Variants in KDSR observed in about 807,000 individuals in gnomAD.
The protein encoded by KDSR is 3-ketodihydrosphingosine reductase.
In KDSR, 23 loss-of-function variants were observed where a neutral mutation model predicts 41.3. The ratio of observed to expected loss-of-function variants is 0.56; its 90% CI spans 0.40 to 0.79. KDSR has a LOEUF of 0.79. Ranked by LOEUF, KDSR falls within the 30% of genes least tolerant of loss-of-function variation. The pLI, the probability that KDSR is intolerant of heterozygous loss-of-function variation, is 0.00. For synonymous variants in KDSR, 138 were observed against 151.7 expected (o/e 0.91, Z 0.66); for missense variants, 351 against 416.8 (o/e 0.84, Z 1.37).
chr18:63,353,005 A>G (rs1047631105), intron 5 of KDSR, among the ~76,000 whole-genome samples: 2 of 76,760 alleles, frequency 2.6e-5, no homozygotes, highest in Non-Finnish European at 5.6e-5. Context: ...CGACTCTACT[A>G]AAAATACAAA....
Position 63,330,356 on chromosome 18 carries a change from G to C in KDSR, c.*1426C>G. Reference sequence around the variant, plus strand: ...GACAGGTTACAAGATCAAGGTGAAGGCAGCTCTCCTCAAGTCAGAGGAGTG... The same window carrying C: ...GACAGGTTACAAGATCAAGGTGAAGCCAGCTCTCCTCAAGTCAGAGGAGTG... On this transcript the variant is annotated 3_prime_UTR_variant, in exon 10 of 10. Coordinates refer to ENST00000645214, the MANE Select transcript of KDSR (RefSeq NM_002035.4). The C allele has an allele frequency of 4.4e-6, 1 of 226,286 alleles. No homozygotes were observed. 14.0% of individuals were successfully genotyped at this position (226,286 alleles called of 1,614,324 possible).
chr18:63,327,950 C>T lies in KDSR; in HGVS notation c.*3832G>A. On this transcript the variant is annotated 3_prime_UTR_variant, in exon 10 of 10. Coordinates refer to ENST00000645214, the MANE Select transcript of KDSR (RefSeq NM_002035.4). ...AGCTACTATCTCCCCTTCAAAATTGCAAATCCACAGTTACTGCACTGAAGT... is the reference window on the plus strand; with the variant it reads ...AGCTACTATCTCCCCTTCAAAATTGTAAATCCACAGTTACTGCACTGAAGT... The T allele has an allele frequency of 4.9e-6, 1 of 203,410 alleles. No homozygotes were observed. 12.6% of individuals were successfully genotyped at this position (203,410 alleles called of 1,614,324 possible).
intron 5 of KDSR, among the ~76,000 whole-genome samples, chr18:63,353,488 GTC>G (rs1439175793): frequency 6.6e-6 from 1 of 152,166 alleles, no homozygotes; most frequent in African/African-American, 2.4e-5. Context: ...AGCTGCAAGA[GTC>G]TCTGGGGTGG....
chr18:63,365,480 T>C (rs900059928), intron 1 of KDSR, among the ~76,000 whole-genome samples: 12 of 152,176 alleles, frequency 7.9e-5, no homozygotes, highest in African/African-American at 2.9e-4. Flanking sequence ...TCACATTACT[T>C]AGAGTGTGAA....
At chr18:63,359,178 C>CAAAAAAAAAAAAAAAAAAAAAAA (rs74169959) in intron 3 of KDSR, among the ~76,000 whole-genome samples, 1 of 37,106 alleles carries the variant, frequency 2.7e-5, no homozygotes, top group African/African-American at 1.0e-4. Flanking sequence ...GACACTGCCT[C>CAAAAAAAAAAAAAAAAAAAAAAA]AAAAAAAAAA....
intron 6 of KDSR, chr18:63,346,677 T>G (rs541446421): frequency 6.6e-6 from 1 of 152,292 alleles, no homozygotes; most frequent in African/African-American, 2.4e-5. Context: ...AGATTGGTAT[T>G]CTCGCTATGC....
At chr18:63,341,462 G>A (rs191286057) in intron 7 of KDSR, among the ~76,000 whole-genome samples, 3 of 150,556 alleles carry the variant, frequency 2.0e-5, no homozygotes, top group African/African-American at 7.3e-5. Context: ...AGAACAAAAG[G>A]CCCAAGAGAT....
chr18:63,352,935 G>C (rs1423340680), intron 5 of KDSR, among the ~76,000 whole-genome samples: 1 of 151,058 alleles, frequency 6.6e-6, no homozygotes, highest in African/African-American at 2.4e-5. Flanking sequence ...GGGAGGCCAA[G>C]GTAGGTGGAT....
At position 63,359,074 on chromosome 18, in the gene KDSR, G is replaced by C. The variant is rs146373670; in HGVS notation, c.255+662C>G. 6.0e-3 allele frequency among the ~76,000 whole-genome samples: 900 copies of C among 149,712 alleles called. 34 individuals are homozygous for C. Among genetic ancestry groups the C allele is most frequent in the Admixed American group, 0.054 (809 of 14,990 alleles). On this transcript the variant is annotated intron_variant, in intron 3 of 9. Transcript: ENST00000645214. ...CGTGTCTATAATCTCAGCTACTAGG[G>C]AGGCTGAGGTGGGAGGACTGCTTGA...
Position 63,333,324 on chromosome 18 carries a change from GAT to G in KDSR, c.880-1425_880-1424del, listed in dbSNP as rs113048259. ...TGATCTCAAACTCCTGAGCTCAAGCGATCCTCCTGACTTGGCCTCCCAAAGTG... is the reference window on the plus strand; with the variant it reads ...TGATCTCAAACTCCTGAGCTCAAGCGCCTCCTGACTTGGCCTCCCAAAGTG... On this transcript the variant is annotated intron_variant, in intron 9 of 9. Coordinates refer to ENST00000645214, the MANE Select transcript of KDSR (RefSeq NM_002035.4). 6.4e-4 allele frequency among the ~76,000 whole-genome samples: 97 copies of G among 152,282 alleles called. 1 individual carries two copies. The highest frequency in any genetic ancestry group is 2.2e-3 in the African/African-American group (91 of 41,552).
chr18:63,342,023 G>A (rs1914353294), intron 7 of KDSR, among the ~76,000 whole-genome samples: 1 of 151,844 alleles, frequency 6.6e-6, no homozygotes, highest in African/African-American at 2.4e-5. Context: ...CAAAAAATCA[G>A]CCGGGCTTGG....
chr18:63,354,518 A>T (rs1289937240), intron 5 of KDSR, among the ~76,000 whole-genome samples: 3 of 152,070 alleles, frequency 2.0e-5, no homozygotes, highest in Non-Finnish European at 4.4e-5. Flanking sequence ...AATAAAAAAA[A>T]TTAGCTGGGT....
Position 63,342,548 on chromosome 18 carries a change from T to C in KDSR, c.693+1862A>G, listed in dbSNP as rs533183756. On this transcript the variant is annotated intron_variant, in intron 7 of 9. Transcript: ENST00000645214. ...TTTGAATCTGGGACTGAATTAGTTA[T>C]AGATAATTACAAAGCTAAGCAAATG... 3.9e-5 allele frequency among the ~76,000 whole-genome samples: 6 copies of C among 152,296 alleles called. No homozygotes were observed. The East Asian group carries it at 7.7e-4, about 20-fold the overall frequency.
At chr18:63,343,335 C>T (rs1914399926) in intron 7 of KDSR, among the ~76,000 whole-genome samples, 2 of 151,782 alleles carry the variant, frequency 1.3e-5, no homozygotes, top group African/African-American at 2.4e-5. Context: ...ACTGGGATTA[C>T]AGGTGTGAGA....
chr18:63,351,882 C>G (rs1301472152), intron 5 of KDSR, among the ~76,000 whole-genome samples: 15 of 152,182 alleles, frequency 9.9e-5, no homozygotes, highest in Non-Finnish European at 1.8e-4. Context: ...CTCCTGGGCT[C>G]AAGCAATCCT....
intron 2 of KDSR, among the ~76,000 whole-genome samples, chr18:63,361,207 C>A (rs1300739381): frequency 1.8e-5 from 1 of 56,178 alleles, no homozygotes; most frequent in African/African-American, 8.8e-5. Flanking sequence ...AAAACTCCGT[C>A]TCAAAAAAAA....
chr18:63,356,030 T>A (rs536113118), intron 3 of KDSR, among the ~76,000 whole-genome samples: 101 of 152,104 alleles, frequency 6.6e-4, no homozygotes, highest in Admixed American at 1.4e-3. Context: ...TCTAGAGGGG[T>A]TGCCCTTGGT....
At chr18:63,366,137 C>G (rs8098725) in intron 1 of KDSR, 2 of 152,182 alleles carry the variant, frequency 1.3e-5, no homozygotes, top group African/African-American at 4.8e-5. Flanking sequence ...CCACTGCAAA[C>G]GGGAAAGTGC....
chr18:63,356,736 TG>T (rs1172582218), intron 3 of KDSR, among the ~76,000 whole-genome samples: 1 of 152,222 alleles, frequency 6.6e-6, no homozygotes, highest in Non-Finnish European at 1.5e-5. Context: ...CAGGCAAGAC[TG>T]GCCTTGGCCC....
Sources: allele counts gnomAD v4.1 joint callset (sites outside exome capture counted in the v4.1 genomes callset), GRCh38; gene constraint gnomAD v4.1.1; transcripts MANE v1.5; gene names NCBI Gene and HGNC (gene_info 2026-07-23, HGNC 2026-07-21).